Variants in SLC28A3 observed in about 807,000 individuals in gnomAD.
The protein encoded by SLC28A3 is solute carrier family 28 member 3.
A neutral mutation model predicts 84.2 loss-of-function variants in SLC28A3; 68 were observed. The observed-to-expected ratio is 0.81, with a 90% CI of 0.66 to 0.99. The LOEUF (loss-of-function observed/expected upper bound fraction) is 0.99, where lower values mean the gene tolerates loss of function less well. Ranked by LOEUF, SLC28A3 falls within the 50% of genes least tolerant of loss-of-function variation. The pLI is 0.00. For synonymous variants in SLC28A3, 267 were observed against 303.6 expected (o/e 0.88, Z 1.25); for missense variants, 712 against 841.5 (o/e 0.85, Z 1.90).
At chr9:84,288,249 A>G in intron 11 of SLC28A3, 71 bp from the exon 12 acceptor site, 1 of 1,599,314 alleles carries the variant, frequency 6.3e-7, no homozygotes, top group Non-Finnish European at 8.5e-7. Context: ...AGGGTCCAAG[A>G]GCTCCGCAAG....
intron 1 of SLC28A3, among the ~76,000 whole-genome samples, chr9:84,340,313 C>T (rs913695873): frequency 6.6e-6 from 1 of 151,856 alleles, no homozygotes; most frequent in African/African-American, 2.4e-5. Flanking sequence ...TGCTGTGAGC[C>T]AGAAGGGAAA....
At chr9:84,365,429 T>C in the SLC28A3 span, among the ~76,000 whole-genome samples, 2 of 152,268 alleles carry the variant, frequency 1.3e-5, no homozygotes, top group Non-Finnish European at 2.9e-5. Flanking sequence ...TATAATCCTT[T>C]GTCAAATGAG....
chr9:84,306,254 C>T (rs1295093264), intron 3 of SLC28A3, among the ~76,000 whole-genome samples: 2 of 152,150 alleles, frequency 1.3e-5, no homozygotes, highest in African/African-American at 4.8e-5. Context: ...CATTTCTCCT[C>T]CCGTATAGAT....
At chr9:84,308,597 T>C (rs2118378263) in intron 3 of SLC28A3, among the ~76,000 whole-genome samples, 1 of 151,854 alleles carries the variant, frequency 6.6e-6, no homozygotes, top group South Asian at 2.1e-4. Context: ...ACCACTGAAC[T>C]CCAGCCTATG....
chr9:84,292,493 C>CTCTG, intron 10 of SLC28A3, 175 bp downstream of exon 10: 1 of 521,836 alleles, frequency 1.9e-6, no homozygotes. Flanking sequence ...CTCTCTCTCT[C>CTCTG]TCTGTCTCTC....
intron 8 of SLC28A3, 67 bp downstream of exon 8, chr9:84,297,154 T>G: frequency 7.1e-7 from 1 of 1,409,076 alleles, no homozygotes. Context: ...AAGTTCTATC[T>G]GAACATCTAC....
the SLC28A3 span, among the ~76,000 whole-genome samples, chr9:84,358,780 GA>G: frequency 6.6e-6 from 1 of 152,118 alleles, no homozygotes; most frequent in African/African-American, 2.4e-5. Context: ...GAACTGGAAA[GA>G]AGACATTTTC....
the SLC28A3 span, among the ~76,000 whole-genome samples, chr9:84,353,634 C>T: frequency 3.9e-5 from 6 of 152,218 alleles, no homozygotes; most frequent in African/African-American, 9.6e-5. Flanking sequence ...CACTTGAACT[C>T]GAGAGGTGGA....
At chr9:84,354,764 T>G in the SLC28A3 span, among the ~76,000 whole-genome samples, 1 of 151,848 alleles carries the variant, frequency 6.6e-6, no homozygotes, top group South Asian at 2.1e-4. Context: ...GGAGGATCGC[T>G]TGAGCCCAGG....
chr9:84,317,228 G>C (rs984449773), intron 1 of SLC28A3, among the ~76,000 whole-genome samples: 1 of 152,162 alleles, frequency 6.6e-6, no homozygotes, highest in Non-Finnish European at 1.5e-5. Context: ...AAGATCAAAA[G>C]ACACAGTAGT....
chr9:84,359,827 C>T, the SLC28A3 span, among the ~76,000 whole-genome samples: 3 of 151,938 alleles, frequency 2.0e-5, no homozygotes, highest in South Asian at 2.1e-4. Flanking sequence ...GTGGTGAAAC[C>T]GTGTTTCTAC....
chr9:84,354,141 T>C, the SLC28A3 span, among the ~76,000 whole-genome samples: 2 of 152,230 alleles, frequency 1.3e-5, no homozygotes, highest in Non-Finnish European at 2.9e-5. Context: ...CACAGGACAT[T>C]TTCACTTGAA....
At chr9:84,354,936 G>T in the SLC28A3 span, among the ~76,000 whole-genome samples, 1 of 152,036 alleles carries the variant, frequency 6.6e-6, no homozygotes, top group African/African-American at 2.4e-5. Flanking sequence ...CATTTATATT[G>T]TTCATAAGGA....
intron 1 of SLC28A3, among the ~76,000 whole-genome samples, chr9:84,334,790 C>T (rs1826911850): frequency 6.6e-6 from 1 of 152,008 alleles, no homozygotes; most frequent in African/African-American, 2.4e-5. Flanking sequence ...CAAACTTCTC[C>T]TCCTTCCCCA....
At chr9:84,355,246 C>T in the SLC28A3 span, among the ~76,000 whole-genome samples, 30 of 152,094 alleles carry the variant, frequency 2.0e-4, no homozygotes, top group Non-Finnish European at 3.7e-4. Flanking sequence ...AGTTGGAGAT[C>T]AGCCTGGGCA....
chr9:84,334,349 T>G (rs569673399), intron 1 of SLC28A3, among the ~76,000 whole-genome samples: 5 of 152,338 alleles, frequency 3.3e-5, no homozygotes, highest in Admixed American at 3.3e-4. Context: ...ATTTTGTGTT[T>G]CTATTATATA....
In SLC28A3 at chr9:84,278,326, A is replaced by C; in HGVS notation, c.1968T>G (p.Pro656=). 2 of 1,614,152 alleles carry C rather than the reference A, an allele frequency of 1.2e-6. No homozygotes were observed. Among genetic ancestry groups the C allele is most frequent in the South Asian group, 1.1e-5 (1 of 91,084 alleles). ...SLLSSTVAKG[P]GEVIPGGNHS... is the part of the protein sequence containing the mutation. Reference sequence around the variant, plus strand: ...GGTTTCCTCCTGGGATGACTTCACCAGGACCCTTGGCAACAGTGCTGGTGG... The same window carrying C: ...GGTTTCCTCCTGGGATGACTTCACCCGGACCCTTGGCAACAGTGCTGGTGG... Residue 656 remains proline, a synonymous_variant, in exon 18 of 18, where the codon CCT becomes CCG. Transcript: ENST00000376238.
intron 2 of SLC28A3, among the ~76,000 whole-genome samples, chr9:84,311,398 G>T (rs1825982827): frequency 6.6e-6 from 1 of 151,624 alleles, no homozygotes; most frequent in East Asian, 1.9e-4. Context: ...ACCCAGAGAA[G>T]TACATTTGTT....
rs1825356814 is a variant in SLC28A3, at chr9:84,294,847, T to C, written c.862-572A>G. Among the ~76,000 whole-genome samples, 2 of 152,174 alleles carry C rather than the reference T, an allele frequency of 1.3e-5. 1 individual carries two copies. Among genetic ancestry groups the C allele is most frequent in the African/African-American group, 4.8e-5 (2 of 41,452 alleles). On this transcript the variant is annotated intron_variant, in intron 8 of 17. Coordinates refer to ENST00000376238, the MANE Select transcript of SLC28A3 (RefSeq NM_001199633.2). ...TGGGAGCGGCCATTCCAAAGATTCA[T>C]TCCTTATCTATAAGGAATATCTGAA...
Sources: gnomAD v4.1 joint callset for allele counts (sites outside exome capture counted in the v4.1 genomes callset) on GRCh38, gnomAD v4.1.1 for gene constraint, MANE v1.5 for transcripts, NCBI Gene and HGNC (gene_info 2026-07-23, HGNC 2026-07-21) for gene names.